ZNF398: variants seen among roughly 807,000 people sequenced by gnomAD.
ZNF398 encodes zinc finger DNA binding protein ZER6.
In ZNF398, 18 loss-of-function variants were observed where a neutral mutation model predicts 41.9. The ratio of observed to expected loss-of-function variants is 0.43; its 90% CI spans 0.30 to 0.64. The LOEUF is 0.64. Ranked by LOEUF, ZNF398 falls within the 30% of genes least tolerant of loss-of-function variation. The pLI is 0.14. For synonymous variants in ZNF398, 260 were observed against 308.8 expected (o/e 0.84, Z 1.66); for missense variants, 669 against 822.8 (o/e 0.81, Z 2.29).
chr7:149,168,384 C>A (rs1188446206), intron 4 of ZNF398, among the ~76,000 whole-genome samples: 1 of 151,588 alleles, frequency 6.6e-6, no homozygotes, highest in Non-Finnish European at 1.5e-5. Flanking sequence ...AGCCATCTAT[C>A]CTATTTTTGA....
intron 2 of ZNF398, 50 bp from the exon 3 acceptor site, chr7:149,166,108 A>T (rs775682505): frequency 2.6e-6 from 4 of 1,551,084 alleles, no homozygotes; most frequent in Middle Eastern, 1.7e-4. Flanking sequence ...AGATTTATTG[A>T]ATGACTGAAT....
chr7:149,166,992 G>T (rs1270713250), intron 4 of ZNF398, 62 bp downstream of exon 4: 1 of 1,231,556 alleles, frequency 8.1e-7, no homozygotes, highest in African/African-American at 1.5e-5. Context: ...TGGTGGCTCA[G>T]AGCTAAGCAG....
intron 4 of ZNF398, among the ~76,000 whole-genome samples, chr7:149,173,689 T>G (rs1335293247): frequency 6.6e-6 from 1 of 152,078 alleles, no homozygotes; most frequent in African/African-American, 2.4e-5. Flanking sequence ...ACAGTGGGCT[T>G]AAAATATTCT....
rs1191398320 is a variant in ZNF398 at position 149,178,904 on chromosome 7, A to G, written c.1032A>G (p.Ser344=). ...LPPPVGEQVF[S]CHHCGKNLSQ... ...CTCCAGTTGGCGAGCAGGTGTTCTC[A>G]TGCCACCACTGTGGCAAGAATCTCA... The change falls in exon 6 of 6, where the codon TCA becomes TCG. Residue 344 remains serine (S), a synonymous_variant. Coordinates refer to ENST00000475153, the MANE Select transcript of ZNF398 (RefSeq NM_170686.3). 2 of 1,614,084 alleles carry G rather than the reference A, an allele frequency of 1.2e-6. No individual in the cohort carries two copies. The highest frequency in any genetic ancestry group is 1.7e-6 in the Non-Finnish European group (2 of 1,179,994).
At position 149,179,461 on chromosome 7, in the gene ZNF398, G is replaced by A. The variant is rs757629186; in HGVS notation, c.1589G>A (p.Arg530Gln). 27 of 1,613,902 alleles carry A rather than the reference G, an allele frequency of 1.7e-5. No homozygotes were observed. Among genetic ancestry groups the A allele is most frequent in the Non-Finnish European group, 2.2e-5 (26 of 1,179,982 alleles). ...FMRKEHLLNH[R>Q]RLHTGERPFS... ...CGCAAGGAGCACCTGCTGAACCACC[G>A]GCGGCTGCACACAGGCGAGCGGCCC... The change falls in exon 6 of 6, where the codon CGG (arginine) becomes CAG (glutamine). Residue 530 changes from arginine (R) to glutamine (Q), a missense_variant. Transcript: ENST00000475153. The surrounding 1 kb of genome is among the most constrained non-coding windows in gnomAD (Gnocchi z 6.1).
At chr7:149,145,942 C>CTTTTTT (rs34950278), upstream of ZNF398, among the ~76,000 whole-genome samples, 38 of 103,090 alleles carry the variant, frequency 3.7e-4, 1 homozygote, top group East Asian at 6.7e-4. Context: ...CTCGCAGGTC[C>CTTTTTT]TTTTTTTTTT....
At chr7:149,162,665 AACT>A (rs1283102147) in intron 2 of ZNF398, among the ~76,000 whole-genome samples, 1 of 152,186 alleles carries the variant, frequency 6.6e-6, no homozygotes, top group Non-Finnish European at 1.5e-5. Flanking sequence ...AAAGATGTAG[AACT>A]ATATAACCAG....
At chr7:149,149,379 G>T (rs953370422) in intron 1 of ZNF398, among the ~76,000 whole-genome samples, 1 of 151,952 alleles carries the variant, frequency 6.6e-6, no homozygotes, top group Non-Finnish European at 1.5e-5. Flanking sequence ...GACTACAGGC[G>T]CGTGCCACTA....
At chr7:149,156,599 C>T (rs1437923410) in intron 2 of ZNF398, among the ~76,000 whole-genome samples, 5 of 151,640 alleles carry the variant, frequency 3.3e-5, no homozygotes, top group African/African-American at 1.2e-4. Context: ...TGGCTCACGC[C>T]TGTAATCCCA....
chr7:149,149,613 AGAC>A (rs1283148659), intron 1 of ZNF398, among the ~76,000 whole-genome samples: 34 of 152,230 alleles, frequency 2.2e-4, no homozygotes, highest in African/African-American at 8.2e-4. Context: ...TGCCGTGGGA[AGAC>A]AGCTTTAGCC....
In ZNF398 at chr7:149,147,583, C is replaced by A. The variant is rs912518621; in HGVS notation, c.-160C>A. The A allele has an allele frequency of 2.5e-6, 2 of 792,832 alleles. No homozygotes were observed. The highest frequency in any genetic ancestry group is 3.3e-6 in the Non-Finnish European group (2 of 601,474). 49.1% of individuals were successfully genotyped at this position (792,832 alleles called of 1,614,324 possible). Reference sequence around the variant, plus strand: ...CCGCCGCGTTCCTGCGCGTCCCGAGCCCCGACGGCCGCGTGAGTCCCGTCC... The same window carrying A: ...CCGCCGCGTTCCTGCGCGTCCCGAGACCCGACGGCCGCGTGAGTCCCGTCC... On this transcript the variant is annotated 5_prime_UTR_variant, in exon 1 of 6. Coordinates refer to ENST00000475153, the MANE Select transcript of ZNF398 (RefSeq NM_170686.3). This position sits in a 1 kb window ranked among gnomAD's most constrained non-coding sequence, Gnocchi z 5.6.
chr7:149,150,513 C>T (rs951923403), intron 1 of ZNF398, among the ~76,000 whole-genome samples: 103 of 152,166 alleles, frequency 6.8e-4, no homozygotes, highest in African/African-American at 2.4e-3. Context: ...ATGGGAGAAT[C>T]GCTTGAGCCC....
At chr7:149,155,711 T>A (rs1358073573) in intron 2 of ZNF398, among the ~76,000 whole-genome samples, 272 of 20,256 alleles carry the variant, frequency 0.013, 1 homozygote, top group African/African-American at 0.027. Context: ...ATATATATTT[T>A]TTTTTTTTTT....
At chr7:149,158,833 CAA>C (rs11285758) in intron 2 of ZNF398, among the ~76,000 whole-genome samples, 165 of 110,886 alleles carry the variant, frequency 1.5e-3, no homozygotes, top group Admixed American at 1.6e-3. Context: ...AACACCGTTT[CAA>C]AAAAAAAAAA....
Position 149,147,723 on chromosome 7 carries a change from G to T in ZNF398, c.-20G>T. The T allele has an allele frequency of 7.5e-7, 1 of 1,328,204 alleles. No individual in the cohort carries two copies. Among genetic ancestry groups the T allele is most frequent in the South Asian group, 2.0e-5 (1 of 49,658 alleles). The allele number at this position is 1,328,204 out of a possible 1,614,324, so 82.3% of individuals were successfully genotyped here. ...GCAGCGGCGGCGACTTCCGAGGCCCGGGCTAGACAGCGCAGGGCCATGGCT... is the reference window on the plus strand; with the variant it reads ...GCAGCGGCGGCGACTTCCGAGGCCCTGGCTAGACAGCGCAGGGCCATGGCT... On this transcript the variant is annotated 5_prime_UTR_variant, in exon 1 of 6. Coordinates refer to ENST00000475153, the MANE Select transcript of ZNF398 (RefSeq NM_170686.3). This position sits in a 1 kb window ranked among gnomAD's most constrained non-coding sequence, Gnocchi z 5.6.
chr7:149,173,973 T>C (rs960634450), intron 4 of ZNF398, among the ~76,000 whole-genome samples: 1 of 152,062 alleles, frequency 6.6e-6, no homozygotes, highest in East Asian at 1.9e-4. Flanking sequence ...TTTGTATTTT[T>C]AGTAGAGACA....
At chr7:149,133,646 GT>G (rs1377522866) in intron 2 of ZNF398, among the ~76,000 whole-genome samples, 1 of 68,802 alleles carries the variant, frequency 1.5e-5, no homozygotes, top group Non-Finnish European at 2.7e-5. Flanking sequence ...TTATTTTTGT[GT>G]TTTTTAAATA....
At chr7:149,148,293 C>G (rs1827012638) in intron 1 of ZNF398, 2 of 234,988 alleles carry the variant, frequency 8.5e-6, no homozygotes, top group East Asian at 1.8e-4. Flanking sequence ...GGTGCGGACC[C>G]GGAGGCTGGA....
In ZNF398 at chr7:149,128,540, A is replaced by T. The variant is rs371524668; in HGVS notation, c.-611-283A>T. Among the ~76,000 whole-genome samples, 18 of 152,106 alleles carry T rather than the reference A, an allele frequency of 1.2e-4. No homozygotes were observed. The East Asian group carries it at 2.5e-3, about 21-fold the overall frequency. ...GGCAGTAGGATTGCCTGAGCACAGG[A>T]GTTGAAGACCAGCCTGGGCAACATG... On this transcript the variant is annotated intron_variant, in intron 1 of 6. Transcript: ENST00000426851.
Sources: allele counts gnomAD v4.1 joint callset (sites outside exome capture counted in the v4.1 genomes callset), GRCh38; gene constraint gnomAD v4.1.1; non-coding constraint Gnocchi (gnomAD v3.1); transcripts MANE v1.5; gene names NCBI Gene and HGNC (gene_info 2026-07-23, HGNC 2026-07-21).